The following GNAQ variants were observed in gnomAD, a reference collection of about 807,000 sequenced individuals.
The protein encoded by GNAQ is guanine nucleotide-binding protein G(q) subunit alpha.
GNAQ carries 8 observed loss-of-function variants against 43.9 expected under a neutral mutation model. That is an observed-to-expected ratio of 0.18 (90% confidence interval 0.11 to 0.33). The LOEUF (loss-of-function observed/expected upper bound fraction) is 0.33, where lower values mean the gene tolerates loss of function less well. GNAQ is among the 10% of genes least tolerant of loss of function. The pLI is 1.00. For synonymous variants in GNAQ, 155 were observed against 170.7 expected, an observed-to-expected ratio of 0.91 and a Z score of 0.71; for missense variants, 158 against 450.8, an observed-to-expected ratio of 0.35 and a Z score of 5.88.
At chr9:77,863,208 A>AAGGAAGGAAGGAAGGAAGGAAGGG (rs1564133723) in intron 2 of GNAQ, among the ~76,000 whole-genome samples, 2 of 150,082 alleles carry the variant, frequency 1.3e-5, no homozygotes. Context: ...GGAAGGAAGG[A>AAGGAAGGAAGGAAGGAAGGAAGGG]AGGAAGGAAG....
chr9:77,929,702 A>T (rs542721230), intron 1 of GNAQ, among the ~76,000 whole-genome samples: 3 of 151,972 alleles, frequency 2.0e-5, no homozygotes, highest in Non-Finnish European at 4.4e-5. Flanking sequence ...CGGTGTGGTG[A>T]TGTGCGCCTG....
At chr9:77,759,529 C>T (rs559486022) in intron 5 of GNAQ, among the ~76,000 whole-genome samples, 1 of 152,144 alleles carries the variant, frequency 6.6e-6, no homozygotes, top group African/African-American at 2.4e-5. Flanking sequence ...TTTCCTTCAT[C>T]AACAACTACA....
At chr9:77,849,821 A>C (rs1372231941) in intron 2 of GNAQ, among the ~76,000 whole-genome samples, 1 of 152,094 alleles carries the variant, frequency 6.6e-6, no homozygotes, top group Non-Finnish European at 1.5e-5. Flanking sequence ...GTGCGCCACC[A>C]TGCCTGGCTA....
chr9:77,879,510 A>G (rs990158098), intron 2 of GNAQ, among the ~76,000 whole-genome samples: 37 of 152,236 alleles, frequency 2.4e-4, no homozygotes, highest in African/African-American at 8.2e-4. Flanking sequence ...TTGGCTTCCC[A>G]AAGTGCTGGG....
chr9:77,819,757 T>C (rs1317713214), intron 2 of GNAQ, among the ~76,000 whole-genome samples: 1 of 146,094 alleles, frequency 6.8e-6, no homozygotes, highest in East Asian at 2.0e-4. Flanking sequence ...AAGAAAAAAA[T>C]CACCAACTCC....
chr9:77,985,747 C>T (rs758885421), intron 1 of GNAQ, among the ~76,000 whole-genome samples: 49 of 151,996 alleles, frequency 3.2e-4, no homozygotes, highest in East Asian at 7.8e-4. Context: ...CCACCACACC[C>T]GGCTAATTTT....
At chr9:77,731,118 C>G (rs1300247468) in intron 5 of GNAQ, among the ~76,000 whole-genome samples, 1 of 152,106 alleles carries the variant, frequency 6.6e-6, no homozygotes, top group Admixed American at 6.5e-5. Flanking sequence ...GCGTGATGGG[C>G]TCCAAGGGAA....
chr9:78,010,392 A>T (rs1823759331), intron 1 of GNAQ, among the ~76,000 whole-genome samples: 1 of 152,198 alleles, frequency 6.6e-6, no homozygotes, highest in African/African-American at 2.4e-5. Flanking sequence ...TTTCTAATAA[A>T]CAGATGACTG....
At position 77,721,204 on chromosome 9, in the gene GNAQ, G is replaced by C. The variant is rs963383292; in HGVS notation, c.*119C>G. ...CAAACTCTGTGGACACGCTCACACA[G>C]AGTCCAGGACGGCAATAAATTAGTA... On this transcript the variant is annotated 3_prime_UTR_variant, in exon 7 of 7. Coordinates refer to ENST00000286548, the MANE Select transcript of GNAQ (RefSeq NM_002072.5). The C allele has an allele frequency of 8.1e-6, 5 of 618,018 alleles. No individual in the cohort carries two copies. Among genetic ancestry groups the C allele is most frequent in the Non-Finnish European group, 1.4e-5 (5 of 349,520 alleles). 38.3% of individuals were successfully genotyped at this position (618,018 alleles called of 1,614,324 possible). A position where few individuals can be genotyped will look rare whatever the true frequency, so the allele number is the denominator to read the frequency against.
At chr9:77,804,180 C>T (rs1826789034) in intron 3 of GNAQ, among the ~76,000 whole-genome samples, 1 of 152,112 alleles carries the variant, frequency 6.6e-6, no homozygotes, top group Admixed American at 6.6e-5. Flanking sequence ...TTTTAAAAGT[C>T]TCTTTTTAAG....
intron 1 of GNAQ, among the ~76,000 whole-genome samples, chr9:77,928,268 C>T (rs1829097947): frequency 6.6e-6 from 1 of 152,142 alleles, no homozygotes; most frequent in Admixed American, 6.5e-5. Flanking sequence ...CATAACTTCC[C>T]GTCTTTTCAT....
intron 6 of GNAQ, 31 bp downstream of exon 6, chr9:77,728,483 C>G (rs772697801): frequency 6.5e-7 from 1 of 1,535,504 alleles, no homozygotes; most frequent in East Asian, 2.2e-5. Flanking sequence ...CTATTCACAG[C>G]TACTGAGCTG....
intron 2 of GNAQ, among the ~76,000 whole-genome samples, chr9:77,845,143 G>A (rs998407344): frequency 7.2e-5 from 11 of 151,952 alleles, no homozygotes; most frequent in Admixed American, 6.6e-4. Context: ...TCAAAGAACT[G>A]GAGATTTTAA....
intron 5 of GNAQ, among the ~76,000 whole-genome samples, chr9:77,755,865 TGATTG>T (rs1477560154): frequency 6.6e-6 from 1 of 152,206 alleles, no homozygotes; most frequent in East Asian, 1.9e-4. Flanking sequence ...ACTGTCAACT[TGATTG>T]GATTGAAGGA....
At chr9:77,893,489 A>G (rs1260509584) in intron 2 of GNAQ, among the ~76,000 whole-genome samples, 2 of 152,242 alleles carry the variant, frequency 1.3e-5, no homozygotes, top group African/African-American at 4.8e-5. Context: ...CCCCTTGTTT[A>G]GCACAGAATC....
At chr9:77,938,998 G>A (rs569926681) in intron 1 of GNAQ, among the ~76,000 whole-genome samples, 28 of 152,324 alleles carry the variant, frequency 1.8e-4, no homozygotes, top group Non-Finnish European at 3.5e-4. Context: ...GTAGCAAATG[G>A]CTGCATGAAG....
At position 77,960,279 on chromosome 9, in the gene GNAQ, G is replaced by C. The variant is rs148236699; in HGVS notation, c.137-37934C>G. Among the ~76,000 whole-genome samples, 182 of 152,266 alleles carry C rather than the reference G, an allele frequency of 1.2e-3. 2 individuals are homozygous for C. Among genetic ancestry groups the C allele is most frequent in the African/African-American group, 4.2e-3 (173 of 41,548 alleles). ...TTGACAAAAGGACTGATATTGTTTG[G>C]TCATCACACCAGAATGGGTCAGGAG... On this transcript the variant is annotated intron_variant, in intron 1 of 6. Transcript: ENST00000286548.
At chr9:77,922,447 C>G (rs1587411537) in intron 1 of GNAQ, 102 bp from the exon 2 acceptor site, 1 of 792,914 alleles carries the variant, frequency 1.3e-6, no homozygotes, top group Non-Finnish European at 2.1e-6. Context: ...CCCCAGATAG[C>G]CTGCTGAGAG....
At chr9:78,001,412 A>G (rs1165027214) in intron 1 of GNAQ, among the ~76,000 whole-genome samples, 1 of 152,068 alleles carries the variant, frequency 6.6e-6, no homozygotes, top group African/African-American at 2.4e-5. Context: ...CAAAAAAAAA[A>G]GAGAAATAGA....
Sources: gnomAD v4.1 joint callset for allele counts (sites outside exome capture counted in the v4.1 genomes callset) on GRCh38, gnomAD v4.1.1 for gene constraint, MANE v1.5 for transcripts, NCBI Gene and HGNC (gene_info 2026-07-23, HGNC 2026-07-21) for gene names.